The following BCL2L1 variants were observed in gnomAD, a reference collection of about 807,000 sequenced individuals.
BCL2L1 encodes the protein BCL2 like 1, also known as bcl-2-like protein 1.
A neutral mutation model predicts 18.7 loss-of-function variants in BCL2L1; 1 was observed. The observed-to-expected ratio is 0.05, with a 90% confidence interval of 0.02 to 0.25. The LOEUF is 0.25. Ranked by LOEUF, BCL2L1 falls within the 10% of genes least tolerant of loss-of-function variation. The pLI is 1.00. For synonymous variants in BCL2L1, 103 were observed against 122.7 expected (o/e 0.84, Z 1.06); for missense variants, 207 against 304.9 (o/e 0.68, Z 2.39).
chr20:31,700,584 T>G (rs1200473792), intron 2 of BCL2L1, among the ~76,000 whole-genome samples: 1 of 152,142 alleles, frequency 6.6e-6, no homozygotes, highest in East Asian at 1.9e-4. Context: ...TTCTTGAGAG[T>G]TGGTCTCAGC....
At chr20:31,721,534 C>T in intron 2 of BCL2L1, 121 bp downstream of exon 2, 1 of 1,250,522 alleles carries the variant, frequency 8.0e-7, no homozygotes, top group Non-Finnish European at 1.1e-6. Context: ...GTCAGGTTTC[C>T]TCAACTATCA....
At chr20:31,702,963 G>A (rs1220350579) in intron 2 of BCL2L1, among the ~76,000 whole-genome samples, 1 of 148,966 alleles carries the variant, frequency 6.7e-6, no homozygotes, top group African/African-American at 2.5e-5. Context: ...AAAAAAAAAA[G>A]TCTGGGTTTT....
At chr20:31,701,344 G>A (rs1356045433) in intron 2 of BCL2L1, among the ~76,000 whole-genome samples, 3 of 152,134 alleles carry the variant, frequency 2.0e-5, no homozygotes, top group African/African-American at 4.8e-5. Flanking sequence ...GAGCCACCAC[G>A]CCCGGCCTGT....
chr20:31,686,545 G>A (rs943023516), intron 2 of BCL2L1, among the ~76,000 whole-genome samples: 1 of 152,230 alleles, frequency 6.6e-6, no homozygotes, highest in Admixed American at 6.5e-5. Context: ...GAGAGTGGAA[G>A]TAGCAAGCTG....
intron 2 of BCL2L1, among the ~76,000 whole-genome samples, chr20:31,675,614 A>G (rs1184691528): frequency 1.3e-5 from 2 of 152,110 alleles, no homozygotes; most frequent in African/African-American, 4.8e-5. Context: ...CCACGGAAAC[A>G]TAGGCCTGGA....
At chr20:31,711,800 T>A (rs2061456336) in intron 2 of BCL2L1, among the ~76,000 whole-genome samples, 1 of 152,180 alleles carries the variant, frequency 6.6e-6, no homozygotes. Context: ...CCTCTCCTAC[T>A]TCACTGGGAA....
At chr20:31,698,206 G>A (rs1413972617) in intron 2 of BCL2L1, among the ~76,000 whole-genome samples, 2 of 152,076 alleles carry the variant, frequency 1.3e-5, no homozygotes, top group Admixed American at 1.3e-4. Flanking sequence ...CTTTAAAAAT[G>A]TATGTCGGAC....
In BCL2L1 at chr20:31,721,646, G is replaced by A; in HGVS notation, c.564+9C>T. 6.3e-7 allele frequency: 1 copy of A among 1,590,500 alleles called. No individual in the cohort carries two copies. Among genetic ancestry groups the A allele is most frequent in the Non-Finnish European group, 8.6e-7 (1 of 1,166,936 alleles). ...AAGAAAAGGGACACACAAGGGGCTT[G>A]GTTCTTACCCAGCCGCCGTTCTCCT... On this transcript the variant is annotated intron_variant, in intron 2 of 2. Transcript: ENST00000307677.
intron 2 of BCL2L1, chr20:31,713,669 T>C (rs555942589): frequency 1.2e-6 from 1 of 814,248 alleles, no homozygotes; most frequent in Non-Finnish European, 1.5e-6. Flanking sequence ...AACCACAATT[T>C]CAAAAATCAA....
chr20:31,721,736 T>C lies in BCL2L1; in HGVS notation c.483A>G (p.Val161=). 6.2e-7 allele frequency: 1 copy of C among 1,614,044 alleles called. No homozygotes were observed. Among genetic ancestry groups the C allele is most frequent in the Non-Finnish European group, 8.5e-7 (1 of 1,180,006 alleles). The change falls in exon 2 of 3, where the codon GTA becomes GTG. Residue 161 remains valine, a synonymous_variant. Coordinates refer to ENST00000307677, the MANE Select transcript of BCL2L1 (RefSeq NM_138578.3). ...TCCAAGCTGCGATCCGACTCACCAA[T>C]ACCTGCATCTCCTTGTCTACGCTTT... ...CVESVDKEMQ[V]LVSRIAAWMA...
intron 2 of BCL2L1, among the ~76,000 whole-genome samples, chr20:31,699,528 G>T (rs1183138878): frequency 6.6e-6 from 1 of 152,230 alleles, no homozygotes; most frequent in African/African-American, 2.4e-5. Context: ...TCTCAGCTGG[G>T]AGTACAGTAG....
intron 2 of BCL2L1, among the ~76,000 whole-genome samples, chr20:31,690,832 G>GT (rs1465498314): frequency 2.0e-5 from 3 of 151,858 alleles, no homozygotes; most frequent in Non-Finnish European, 4.4e-5. Context: ...TCCCAAAGAG[G>GT]GTACCTTTGT....
intron 2 of BCL2L1, among the ~76,000 whole-genome samples, chr20:31,694,027 T>C (rs1022850725): frequency 1.3e-5 from 2 of 152,086 alleles, no homozygotes; most frequent in Non-Finnish European, 1.5e-5. Context: ...ATATGCAGTG[T>C]CCGAAGGGTT....
intron 2 of BCL2L1, among the ~76,000 whole-genome samples, chr20:31,709,151 A>T (rs1346632885): frequency 6.6e-6 from 1 of 152,166 alleles, no homozygotes; most frequent in Admixed American, 6.5e-5. Context: ...CCCTCTGTCC[A>T]GAGGCCTCTG....
intron 2 of BCL2L1, among the ~76,000 whole-genome samples, chr20:31,704,259 C>T (rs2061336116): frequency 6.6e-6 from 1 of 151,828 alleles, no homozygotes; most frequent in Admixed American, 6.6e-5. Context: ...GTGCACCACA[C>T]CCGGCTAATT....
chr20:31,690,573 A>T (rs1483815514), intron 2 of BCL2L1, among the ~76,000 whole-genome samples: 2 of 141,754 alleles, frequency 1.4e-5, no homozygotes, highest in Non-Finnish European at 3.1e-5. Flanking sequence ...GTCAGTATGT[A>T]TTTTTTTTTT....
chr20:31,689,753 C>T (rs1319765123), intron 2 of BCL2L1, among the ~76,000 whole-genome samples: 1 of 152,178 alleles, frequency 6.6e-6, no homozygotes, highest in Non-Finnish European at 1.5e-5. Flanking sequence ...CGGTGGCGCA[C>T]GCCTGTAATC....
At chr20:31,707,430 G>A (rs1440263430) in intron 2 of BCL2L1, among the ~76,000 whole-genome samples, 1 of 152,196 alleles carries the variant, frequency 6.6e-6, no homozygotes, top group African/African-American at 2.4e-5. Context: ...GGGCTCCTTG[G>A]TAAGTGCTCC....
At chr20:31,680,405 G>A (rs1178729885) in intron 2 of BCL2L1, among the ~76,000 whole-genome samples, 5 of 152,180 alleles carry the variant, frequency 3.3e-5, no homozygotes, top group Non-Finnish European at 5.9e-5. Context: ...GGTGCCTTGA[G>A]GGGTGAGAAA....
Sources: gnomAD v4.1 joint callset for allele counts (sites outside exome capture counted in the v4.1 genomes callset) on GRCh38, gnomAD v4.1.1 for gene constraint, MANE v1.5 for transcripts, NCBI Gene and HGNC (gene_info 2026-07-23, HGNC 2026-07-21) for gene names.